Variants in PCDH15 observed in about 807,000 individuals in gnomAD.
PCDH15 encodes the protein protocadherin related 15, also known as protocadherin-15.
A neutral mutation model predicts 178.5 loss-of-function variants in PCDH15; 129 were observed. The observed-to-expected ratio is 0.72, with a 90% confidence interval of 0.63 to 0.84. PCDH15 has a LOEUF of 0.84. Among genes scored for constraint, PCDH15 ranks in the 40% least tolerant of loss-of-function variants. The pLI is 0.00. For synonymous variants in PCDH15, 800 were observed against 732.0 expected (o/e 1.09, Z -1.50); for missense variants, 2,230 against 2,099.9 (o/e 1.06, Z -1.21).
In PCDH15 at chr10:54,090,105, T is replaced by C. The variant is rs144867153; in HGVS notation, c.1918-42A>G. The C allele has an allele frequency of 1.2e-4, 169 of 1,395,712 alleles. 1 individual carries two copies. The African/African-American group carries it at 1.9e-3, about 15-fold the overall frequency. The allele number at this position is 1,395,712 out of a possible 1,614,324, so 86.5% of individuals were successfully genotyped here. A position where few individuals can be genotyped will look rare whatever the true frequency, so the allele number is the denominator to read the frequency against. Reference sequence around the variant, plus strand: ...TAATTCAATTATCAAGTAATTGATATGGCGCCCACTCATTACAGAGTAATA... The same window carrying C: ...TAATTCAATTATCAAGTAATTGATACGGCGCCCACTCATTACAGAGTAATA... On this transcript the variant is annotated intron_variant, in intron 15 of 37. Transcript: ENST00000644397.
At position 55,152,348 on chromosome 10, in the gene PCDH15, C is replaced by CA. The variant is rs61001225; in HGVS notation, c.-80+14227dup. Among the ~76,000 whole-genome samples the CA allele has an allele frequency of 2.5e-3, 354 of 139,870 alleles. 1 individual carries two copies. Among genetic ancestry groups the CA allele is most frequent in the African/African-American group, 8.4e-3 (323 of 38,646 alleles). The allele number at this position is 139,870 out of a possible 152,430, so 91.8% of individuals were successfully genotyped here. ...TAGGTTTTGCCATGTGGCAAATTACCAAAAAAAAATCTGTGCTTAGGATTT... is the reference window on the plus strand; with the variant it reads ...TAGGTTTTGCCATGTGGCAAATTACCAAAAAAAAAATCTGTGCTTAGGATTT... On this transcript the variant is annotated intron_variant, in intron 2 of 5. Coordinates refer to the PCDH15 transcript ENST00000458638.
chr10:54,135,070 T>C (rs1240760306), intron 14 of PCDH15, among the ~76,000 whole-genome samples: 3 of 151,024 alleles, frequency 2.0e-5, no homozygotes, highest in Non-Finnish European at 4.4e-5. Flanking sequence ...CCAGGCATGG[T>C]GGCCTGTAAT....
intron 2 of PCDH15, among the ~76,000 whole-genome samples, chr10:55,615,068 A>T (rs867368372): frequency 2.6e-5 from 4 of 152,156 alleles, no homozygotes; most frequent in African/African-American, 7.2e-5. Context: ...AAAAAATCAG[A>T]CTTCTGACCA....
chr10:54,027,478 G>A (rs192155152), intron 18 of PCDH15, among the ~76,000 whole-genome samples: 2,419 of 151,584 alleles, frequency 0.016, 64 homozygotes, highest in African/African-American at 0.055. Context: ...AGCCTTCATC[G>A]CCAAGTCAAT....
intron 21 of PCDH15, among the ~76,000 whole-genome samples, chr10:53,978,517 G>C (rs773734022): frequency 1.9e-4 from 29 of 152,130 alleles, no homozygotes; most frequent in African/African-American, 7.0e-4. Context: ...TTAGGCCTCT[G>C]AGTGTGTGAT....
At chr10:55,626,208 A>C (rs1488748814) in intron 2 of PCDH15, among the ~76,000 whole-genome samples, 1 of 152,104 alleles carries the variant, frequency 6.6e-6, no homozygotes, top group Non-Finnish European at 1.5e-5. Context: ...GCAAGCACAA[A>C]GCAGCAGCAG....
chr10:54,289,565 T>C (rs2059262606), intron 8 of PCDH15, among the ~76,000 whole-genome samples: 1 of 152,130 alleles, frequency 6.6e-6, no homozygotes, highest in Non-Finnish European at 1.5e-5. Flanking sequence ...TTGACAGAAG[T>C]AGGCTTCAGA....
At position 54,173,249 on chromosome 10, in the gene PCDH15, G is replaced by GT. The variant is rs551599903; in HGVS notation, c.1590+10194dup. ...TTTGCCTTTCTTCATTAGTAGTCTA[G>GT]TAATTACTTAAGGTCATAAACTATA... On this transcript the variant is annotated intron_variant, in intron 13 of 37. Transcript: ENST00000644397. Among the ~76,000 whole-genome samples, 833 of 152,212 alleles carry GT rather than the reference G, an allele frequency of 5.5e-3. 8 individuals carry two copies. Among genetic ancestry groups the GT allele is most frequent in the African/African-American group, 0.018 (759 of 41,544 alleles).
chr10:54,543,419 GC>G lies in PCDH15; in HGVS notation c.92-15543del, dbSNP rs946950379. On this transcript the variant is annotated intron_variant, in intron 2 of 37. Coordinates refer to ENST00000644397, the MANE Select transcript of PCDH15 (RefSeq NM_001384140.1). ...CACTGGGGTCAGAGCCCCACATCCT[GC>G]CCATTTGCATGCTCCCCTAGAGGTT... Among the ~76,000 whole-genome samples the G allele has an allele frequency of 3.9e-5, 6 of 152,194 alleles. No homozygotes were observed. The East Asian group carries it at 7.8e-4, about 20-fold the overall frequency.
At chr10:53,843,047 T>C (rs2077756531) in intron 28 of PCDH15, among the ~76,000 whole-genome samples, 1 of 152,180 alleles carries the variant, frequency 6.6e-6, no homozygotes, top group African/African-American at 2.4e-5. Flanking sequence ...AAAAAATAGA[T>C]GTGGAATAAA....
At chr10:54,784,138 C>A (rs1950620856) in intron 1 of PCDH15, among the ~76,000 whole-genome samples, 1 of 151,974 alleles carries the variant, frequency 6.6e-6, no homozygotes, top group Non-Finnish European at 1.5e-5. Flanking sequence ...TTAGCTCCAC[C>A]TAGCCTCTTC....
intron 3 of PCDH15, among the ~76,000 whole-genome samples, chr10:54,853,336 CATATAT>C (rs35481515): frequency 7.9e-6 from 1 of 126,482 alleles, no homozygotes; most frequent in African/African-American, 2.9e-5. Flanking sequence ...CACACATATA[CATATAT>C]ATACATATAT....
At chr10:54,439,619 T>C (rs533660079) in intron 3 of PCDH15, among the ~76,000 whole-genome samples, 1 of 152,192 alleles carries the variant, frequency 6.6e-6, no homozygotes, top group East Asian at 1.9e-4. Flanking sequence ...TGCTGGGCTT[T>C]GAATTTTATG....
At chr10:55,086,497 G>A (rs1020611753) in intron 2 of PCDH15, among the ~76,000 whole-genome samples, 1 of 151,930 alleles carries the variant, frequency 6.6e-6, no homozygotes, top group African/African-American at 2.4e-5. Context: ...TGGTATAAGC[G>A]TTAGCCTATG....
intron 2 of PCDH15, among the ~76,000 whole-genome samples, chr10:55,347,445 C>T (rs1186125147): frequency 6.6e-6 from 1 of 152,108 alleles, no homozygotes; most frequent in East Asian, 1.9e-4. Context: ...TACAATAAAA[C>T]TAATTATCAA....
intron 3 of PCDH15, among the ~76,000 whole-genome samples, chr10:54,828,375 T>G (rs1347793283): frequency 2.0e-5 from 3 of 151,974 alleles, no homozygotes; most frequent in Non-Finnish European, 4.4e-5. Context: ...ATCAAGCTTT[T>G]TTATTGTAAT....
chr10:55,053,260 A>G (rs1279039237), intron 2 of PCDH15, among the ~76,000 whole-genome samples: 1 of 152,186 alleles, frequency 6.6e-6, no homozygotes, highest in African/African-American at 2.4e-5. Flanking sequence ...TCTTAGCACA[A>G]AGTAGTGCTC....
At chr10:53,855,034 A>G (rs922694549) in intron 28 of PCDH15, among the ~76,000 whole-genome samples, 3 of 151,994 alleles carry the variant, frequency 2.0e-5, no homozygotes, top group African/African-American at 7.2e-5. Context: ...TTTCTTTTTC[A>G]GTTTGATAAA....
chr10:55,228,546 T>C (rs1373559459), intron 1 of PCDH15, among the ~76,000 whole-genome samples: 2 of 152,038 alleles, frequency 1.3e-5, no homozygotes, highest in Non-Finnish European at 1.5e-5. Flanking sequence ...AATTAAGTGT[T>C]AAATGTGAGC....
Sources: allele counts gnomAD v4.1 joint callset (sites outside exome capture counted in the v4.1 genomes callset), GRCh38; gene constraint gnomAD v4.1.1; transcripts MANE v1.5; gene names NCBI Gene and HGNC (gene_info 2026-07-23, HGNC 2026-07-21).